Variants in LRP5 observed in about 807,000 individuals in gnomAD.
The protein encoded by LRP5 is low-density lipoprotein receptor-related protein 5.
LRP5 carries 62 observed loss-of-function variants against 154.1 expected under a neutral mutation model. The observed-to-expected ratio is 0.40, with a 90% confidence interval of 0.33 to 0.50. The LOEUF (loss-of-function observed/expected upper bound fraction) is 0.50, where lower values mean the gene tolerates loss of function less well. Ranked by LOEUF, LRP5 falls within the 20% of genes least tolerant of loss-of-function variation. The probability of loss-of-function intolerance (pLI) is 0.55; values close to 1 mark genes in which losing one functional copy is unlikely to be tolerated. For missense variants in LRP5, 1,915 were observed against 2,336.7 expected, an observed-to-expected ratio of 0.82 and a Z score of 3.72; for synonymous variants, 966 against 1,011.5, an observed-to-expected ratio of 0.96 and a Z score of 0.85.
At chr11:68,314,645 C>T (rs759335725) in intron 1 of LRP5, among the ~76,000 whole-genome samples, 36 of 152,230 alleles carry the variant, frequency 2.4e-4, no homozygotes, top group Non-Finnish European at 4.7e-4. Flanking sequence ...TCCCCAGCTC[C>T]CAAGCCCTAG....
At chr11:68,318,859 C>T (rs1447497733) in intron 1 of LRP5, among the ~76,000 whole-genome samples, 2 of 152,174 alleles carry the variant, frequency 1.3e-5, no homozygotes, top group Non-Finnish European at 2.9e-5. Flanking sequence ...CCCTGTGGGG[C>T]ATTGAGAGGC....
At chr11:68,402,432 G>A (rs933570407) in intron 7 of LRP5, among the ~76,000 whole-genome samples, 16 of 152,184 alleles carry the variant, frequency 1.1e-4, no homozygotes, top group Admixed American at 6.5e-4. Flanking sequence ...GAGACAGGGT[G>A]GAAAGCATCT....
intron 4 of LRP5, among the ~76,000 whole-genome samples, chr11:68,365,134 G>A (rs536671316): frequency 9.2e-5 from 14 of 152,260 alleles, no homozygotes; most frequent in Admixed American, 2.0e-4. Flanking sequence ...TGGGGTTCCC[G>A]TCACTACCAC....
rs764292799 is a variant in LRP5 at position 68,373,145 on chromosome 11, G to A, written c.1015+7443G>A. Among the ~76,000 whole-genome samples the A allele has an allele frequency of 1.9e-3, 295 of 152,254 alleles. 1 individual carries two copies. The highest frequency in any genetic ancestry group is 3.6e-3 in the Non-Finnish European group (245 of 67,998). The stretch of plus-strand genomic sequence containing the variant: ...CTCAGGTGAGACTCAAGGGTCCCTG[G>A]GACTCCCTCCTGGGTGTCTGACCGT... On this transcript the variant is annotated intron_variant, in intron 5 of 22. Coordinates refer to ENST00000294304, the MANE Select transcript of LRP5 (RefSeq NM_002335.4).
chr11:68,448,784 ACTC>A, intron 22 of LRP5, 22 bp from the exon 23 acceptor site: 1 of 1,600,844 alleles, frequency 6.2e-7, no homozygotes, highest in Non-Finnish European at 8.5e-7. Flanking sequence ...ACCGAATCCC[ACTC>A]CTCTGTGTGT....
chr11:68,431,562 G>A (rs968969083), intron 17 of LRP5, among the ~76,000 whole-genome samples: 6 of 152,170 alleles, frequency 3.9e-5, no homozygotes, highest in Non-Finnish European at 8.8e-5. Flanking sequence ...TTAGCAGTTT[G>A]TCTTGTTCCT....
intron 7 of LRP5, among the ~76,000 whole-genome samples, chr11:68,393,139 A>AC (rs1362016387): frequency 2.0e-5 from 3 of 150,926 alleles, no homozygotes; most frequent in Admixed American, 2.0e-4. Flanking sequence ...GAAAAAAAAA[A>AC]CAAAAAAAAA....
At position 68,386,618 on chromosome 11, in the gene LRP5, A is replaced by G. The variant is rs201779301; in HGVS notation, c.1318A>G (p.Ile440Val). 1.9e-6 allele frequency: 3 copies of G among 1,613,648 alleles called. No homozygotes were observed. The Admixed American group carries it at 5.0e-5, about 27-fold the overall frequency. ...LYWTDTGTDR[I>V]EVTRLNGTSR... ...CTGGACCGACACGGGCACGGACCGC[A>G]TCGAGGTGACGCGCCTCAACGGCAC... Residue 440 changes from isoleucine to valine, a missense_variant, in exon 6 of 23, where the codon ATC becomes GTC. Physicochemically the swap from Ile to Val is conservative, Grantham distance 29 (BLOSUM62 3). Transcript: ENST00000294304. This position sits in a 1 kb window ranked among gnomAD's most constrained non-coding sequence, Gnocchi z 7.9.
intron 7 of LRP5, among the ~76,000 whole-genome samples, chr11:68,400,126 G>A (rs905870605): frequency 2.6e-5 from 4 of 152,244 alleles, no homozygotes; most frequent in Non-Finnish European, 4.4e-5. Context: ...AGCGTCTTGC[G>A]CTTGCCGAGG....
chr11:68,350,976 G>A (rs2098617975), intron 2 of LRP5, among the ~76,000 whole-genome samples: 1 of 152,186 alleles, frequency 6.6e-6, no homozygotes, highest in South Asian at 2.1e-4. Context: ...GCATGCGTGT[G>A]AGTGGATATT....
Position 68,433,627 on chromosome 11 carries a change from G to A in LRP5, c.3789G>A (p.Gln1263=). Residue 1263 remains glutamine (Q), a synonymous_variant, in exon 18 of 23, where the codon CAG becomes CAA. Coordinates refer to ENST00000294304, the MANE Select transcript of LRP5 (RefSeq NM_002335.4). Reference sequence around the variant, plus strand: ...AGCCGCCCACCTGCTCCCCGGACCAGTTTGCATGTGCCACAGGGGAGATCG... The same window carrying A: ...AGCCGCCCACCTGCTCCCCGGACCAATTTGCATGTGCCACAGGGGAGATCG... The part of the protein sequence containing the change: ...CGEPPTCSPD[Q]FACATGEIDC... 3 of 1,613,554 alleles carry A rather than the reference G, an allele frequency of 1.9e-6. No individual in the cohort carries two copies. Among genetic ancestry groups the A allele is most frequent in the Admixed American group, 1.7e-5 (1 of 60,028 alleles).
intron 7 of LRP5, among the ~76,000 whole-genome samples, chr11:68,395,393 C>T (rs1175761523): frequency 6.6e-6 from 1 of 151,868 alleles, no homozygotes; most frequent in African/African-American, 2.4e-5. Context: ...AGCAGGCCAC[C>T]CTGTGGTCAT....
chr11:68,406,525 A>T lies in LRP5; in HGVS notation c.1803A>T (p.Gly601=), dbSNP rs1189092206. The part of the protein sequence containing the change: ...LKAVNVAKVV[G]TNPCADRNGG... ...TGGAGCCTCTGTGTTCGCTTCCAGG[A>T]ACCAACCCGTGTGCGGACAGGAACG... Residue 601 remains glycine, a splice_region_variant and synonymous_variant, in exon 9 of 23, where the codon GGA becomes GGT. Transcript: ENST00000294304. 2 of 1,613,964 alleles carry T rather than the reference A, an allele frequency of 1.2e-6. No individual in the cohort carries two copies. Among genetic ancestry groups the T allele is most frequent in the African/African-American group, 2.7e-5 (2 of 74,910 alleles).
intron 2 of LRP5, among the ~76,000 whole-genome samples, chr11:68,355,544 C>T (rs1169813912): frequency 6.6e-6 from 1 of 152,186 alleles, no homozygotes; most frequent in Non-Finnish European, 1.5e-5. Flanking sequence ...GTGTGGTTCC[C>T]CTCTGGTCTC....
chr11:68,425,739 C>T (rs574777151), intron 15 of LRP5, among the ~76,000 whole-genome samples: 14 of 152,268 alleles, frequency 9.2e-5, no homozygotes, highest in African/African-American at 1.2e-4. Context: ...GTGACCGAGG[C>T]CCGCCGTTGG....
chr11:68,314,071 A>G (rs2098591052), intron 1 of LRP5, among the ~76,000 whole-genome samples: 1 of 152,222 alleles, frequency 6.6e-6, no homozygotes, highest in African/African-American at 2.4e-5. Flanking sequence ...GTCTGGAGCT[A>G]GCAAAACAAG....
chr11:68,317,370 G>T (rs1447866017), intron 1 of LRP5, among the ~76,000 whole-genome samples: 1 of 152,252 alleles, frequency 6.6e-6, no homozygotes, highest in Non-Finnish European at 1.5e-5. Flanking sequence ...AGAGTACCCC[G>T]AGGGTGTGAC....
At chr11:68,360,772 C>T (rs1167228935) in intron 3 of LRP5, among the ~76,000 whole-genome samples, 5 of 151,832 alleles carry the variant, frequency 3.3e-5, no homozygotes, top group South Asian at 2.1e-4. Flanking sequence ...CCGAGGCGGG[C>T]GGATTACGAG....
chr11:68,301,819 G>A, the LRP5 span, among the ~76,000 whole-genome samples: 22 of 151,516 alleles, frequency 1.5e-4, no homozygotes, highest in Non-Finnish European at 2.4e-4. Flanking sequence ...TAGTAGAGAC[G>A]GGGCTTCACT....
Sources: allele counts gnomAD v4.1 joint callset (sites outside exome capture counted in the v4.1 genomes callset), GRCh38; gene constraint gnomAD v4.1.1; non-coding constraint Gnocchi (gnomAD v3.1); transcripts MANE v1.5; gene names NCBI Gene and HGNC (gene_info 2026-07-23, HGNC 2026-07-21).